XPO7: variants seen among roughly 807,000 people sequenced by gnomAD.
The protein encoded by XPO7 is exportin-7.
Under a neutral mutation model 144.3 loss-of-function variants are expected in XPO7, and 21 were observed. That is an observed-to-expected ratio of 0.15 (90% confidence interval 0.10 to 0.21). The LOEUF (loss-of-function observed/expected upper bound fraction) is 0.21, where lower values mean the gene tolerates loss of function less well. Among genes scored for constraint, XPO7 ranks in the 10% least tolerant of loss-of-function variants. The pLI is 1.00. For synonymous variants in XPO7, 580 were observed against 499.6 expected (o/e 1.16, Z -2.15); for missense variants, 808 against 1,325.8 (o/e 0.61, Z 6.06).
rs749560376 is a variant in XPO7 at position 21,994,402 on chromosome 8, G to A, written c.2188G>A (p.Ala730Thr). The A allele has an allele frequency of 1.9e-5, 30 of 1,611,952 alleles. No homozygotes were observed. The highest frequency in any genetic ancestry group is 1.2e-4 in the South Asian group (11 of 91,006). The part of the protein sequence containing the change: ...VGLVRDLRGI[A>T]FAFNAKTSFM... ...CCTAGTAAGAGACCTGAGAGGGATC[G>A]CTTTCGCTTTCAATGCCAAGACCAG... Residue 730 changes from alanine to threonine, a missense_variant, in exon 20 of 28, where the codon GCT becomes ACT. Ala to Thr is a moderately conservative substitution (Grantham distance 58). Around this residue, in one of 5 missense-constraint regions of XPO7, gnomAD observed 416 missense variants for 612.5 expected, o/e 0.68. Transcript: ENST00000252512.
intron 14 of XPO7, 127 bp downstream of exon 14, chr8:21,987,403 TTC>T (rs1812615255): frequency 7.5e-7 from 1 of 1,341,650 alleles, no homozygotes; most frequent in African/African-American, 1.5e-5. Context: ...TCCAAATGTT[TTC>T]TCTTAGTCTT....
In XPO7 at chr8:21,989,150, C is replaced by T. The variant is rs1812676616; in HGVS notation, c.1868+67C>T. The stretch of plus-strand genomic sequence containing the variant: ...GCATGCCACAGTCTTAGAATCATGG[C>T]CTCCTGCTCTTTCCACTTCAGTTTA... On this transcript the variant is annotated intron_variant, in intron 16 of 27. Coordinates refer to ENST00000252512, the MANE Select transcript of XPO7 (RefSeq NM_015024.5). 6 of 1,402,224 alleles carry T rather than the reference C, an allele frequency of 4.3e-6. No homozygotes were observed. In the South Asian group the frequency reaches 7.3e-5, roughly 17 times the overall value. 86.9% of individuals were successfully genotyped at this position (1,402,224 alleles called of 1,614,324 possible).
Position 22,005,091 on chromosome 8 carries a change from C to A in XPO7, c.*3C>A. On this transcript the variant is annotated 3_prime_UTR_variant, in exon 28 of 28. Coordinates refer to ENST00000252512, the MANE Select transcript of XPO7 (RefSeq NM_015024.5). ...ATAGCAATGACATGATGAGCTGACA[C>A]CTCCTTGGACTCTACCTGTACAGAG... 1.9e-6 allele frequency: 3 copies of A among 1,612,028 alleles called. No homozygotes were observed. The highest frequency in any genetic ancestry group is 2.5e-6 in the Non-Finnish European group (3 of 1,178,530).
intron 1 of XPO7, among the ~76,000 whole-genome samples, chr8:21,951,657 G>A (rs10088070): frequency 1.5e-3 from 226 of 152,234 alleles, no homozygotes; most frequent in African/African-American, 5.2e-3. Context: ...GAATATTAAT[G>A]CAGCTTATCA....
In XPO7 at chr8:22,003,282, C is replaced by A; in HGVS notation, c.3007C>A (p.Arg1003=). ...EDCRNQWSMS[R]PLLGLILLNE... ...CTGTAGGAACCAGTGGTCTATGTCC[C>A]GACCACTACTTGGCTTGATATTGCT... is the stretch of plus-strand genomic sequence containing the variant. Residue 1003 remains arginine, a synonymous_variant, in exon 26 of 28, where the codon CGA becomes AGA. Coordinates refer to ENST00000252512, the MANE Select transcript of XPO7 (RefSeq NM_015024.5). 1 of 1,612,826 alleles carries A rather than the reference C, an allele frequency of 6.2e-7. No individual in the cohort carries two copies. Among genetic ancestry groups the A allele is most frequent in the South Asian group, 1.1e-5 (1 of 90,650 alleles).
At chr8:21,988,882 G>A (rs1812663448) in intron 15 of XPO7, 121 bp from the exon 16 acceptor site, 2 of 779,758 alleles carry the variant, frequency 2.6e-6, no homozygotes, top group Non-Finnish European at 4.1e-6. Flanking sequence ...CGTGATGTCT[G>A]TGAATTGGTG....
chr8:21,962,228 A>G (rs1202752805), intron 1 of XPO7, among the ~76,000 whole-genome samples: 2 of 152,240 alleles, frequency 1.3e-5, no homozygotes, highest in African/African-American at 4.8e-5. Flanking sequence ...TGAGAGGTCT[A>G]CTGATACATC....
chr8:21,930,829 A>G (rs539487592), intron 1 of XPO7, among the ~76,000 whole-genome samples: 6 of 152,320 alleles, frequency 3.9e-5, no homozygotes, highest in Middle Eastern at 3.4e-3. Flanking sequence ...TTCCATTTCA[A>G]TAGCCTTTAG....
intron 11 of XPO7, among the ~76,000 whole-genome samples, chr8:21,983,390 T>C (rs1386711780): frequency 2.0e-5 from 3 of 152,330 alleles, no homozygotes; most frequent in African/African-American, 7.2e-5. Flanking sequence ...TATAGCCCTG[T>C]TTAGGTAGCT....
At chr8:21,974,542 A>C (rs766707008) in intron 5 of XPO7, 128 bp from the exon 6 acceptor site, 4 of 635,640 alleles carry the variant, frequency 6.3e-6, no homozygotes, top group Non-Finnish European at 1.1e-5. Context: ...CAATAATTTA[A>C]ATGTTAAAAA....
chr8:21,995,161 C>T (rs1265421579), intron 20 of XPO7, among the ~76,000 whole-genome samples: 1 of 152,038 alleles, frequency 6.6e-6, no homozygotes, highest in Admixed American at 6.6e-5. Context: ...AATCCAGGTG[C>T]CTCTTTAATA....
At chr8:21,996,547 T>C (rs887372135) in intron 21 of XPO7, among the ~76,000 whole-genome samples, 1 of 152,196 alleles carries the variant, frequency 6.6e-6, no homozygotes, top group African/African-American at 2.4e-5. Context: ...TCACATTTCA[T>C]GGTTAGAGAC....
intron 1 of XPO7, among the ~76,000 whole-genome samples, chr8:21,955,178 G>A (rs918924749): frequency 3.9e-5 from 6 of 152,148 alleles, no homozygotes; most frequent in Non-Finnish European, 8.8e-5. Flanking sequence ...TCATAGTGGA[G>A]TACGTTGTTT....
intron 20 of XPO7, among the ~76,000 whole-genome samples, chr8:21,994,709 CT>C (rs1812884452): frequency 6.6e-6 from 1 of 152,144 alleles, no homozygotes; most frequent in Non-Finnish European, 1.5e-5. Context: ...CCATATACCA[CT>C]GTAGAACTGT....
chr8:21,975,185 A>G (rs1033367773), intron 6 of XPO7, among the ~76,000 whole-genome samples: 4 of 152,244 alleles, frequency 2.6e-5, no homozygotes, highest in Non-Finnish European at 4.4e-5. Context: ...GGTTCAGACT[A>G]TGTTGTTAGC....
intron 1 of XPO7, among the ~76,000 whole-genome samples, chr8:21,923,077 T>C (rs922027224): frequency 1.3e-5 from 2 of 152,256 alleles, no homozygotes; most frequent in African/African-American, 4.8e-5. Flanking sequence ...TGATAAGTGC[T>C]ATGGGTAGTC....
chr8:21,966,205 T>C, intron 1 of XPO7: 1 of 741,344 alleles, frequency 1.3e-6, no homozygotes, highest in Admixed American at 1.9e-5. Flanking sequence ...TATGCTAGGG[T>C]TGAATTTATT....
chr8:21,964,228 C>T (rs895574677), intron 1 of XPO7: 3 of 152,112 alleles, frequency 2.0e-5, no homozygotes, highest in African/African-American at 7.2e-5. Context: ...AGGATTTTCT[C>T]TGACCAAAGT....
At chr8:21,944,085 A>C (rs974573688) in intron 1 of XPO7, among the ~76,000 whole-genome samples, 1 of 152,208 alleles carries the variant, frequency 6.6e-6, no homozygotes, top group Non-Finnish European at 1.5e-5. Flanking sequence ...TATTCGTTGA[A>C]TCATTGAGTA....
Sources: gnomAD v4.1 joint callset for allele counts (sites outside exome capture counted in the v4.1 genomes callset) on GRCh38, gnomAD v4.1.1 for gene constraint, gnomAD v4.1.1 regional missense constraint, MANE v1.5 for transcripts, NCBI Gene and HGNC (gene_info 2026-07-23, HGNC 2026-07-21) for gene names.